CAPN5: variants seen among roughly 807,000 people sequenced by gnomAD.
CAPN5 encodes calpain 5.
In CAPN5, 54 loss-of-function variants were observed where a neutral mutation model predicts 73.0. The ratio of observed to expected loss-of-function variants is 0.74; its 90% CI spans 0.59 to 0.93. The LOEUF is 0.93. CAPN5 is among the 40% of genes least tolerant of loss of function. The pLI is 0.00. For synonymous variants in CAPN5, 335 were observed against 356.9 expected, an observed-to-expected ratio of 0.94 and a Z score of 0.69; for missense variants, 785 against 882.9, an observed-to-expected ratio of 0.89 and a Z score of 1.41.
intron 3 of CAPN5, among the ~76,000 whole-genome samples, chr11:77,097,255 T>G (rs1290220923): frequency 6.6e-6 from 1 of 152,018 alleles, no homozygotes; most frequent in Non-Finnish European, 1.5e-5. Flanking sequence ...TCCCACTATG[T>G]CCCTGACCGG....
intron 1 of CAPN5, among the ~76,000 whole-genome samples, chr11:77,079,783 T>TTG (rs147108363): frequency 0.38 from 56,628 of 148,046 alleles, 11,162 homozygotes; most frequent in Non-Finnish European, 0.45. Flanking sequence ...CTACTTGAGA[T>TTG]TGTGTGTGTG....
At chr11:77,120,995 C>T (rs1022580048) in intron 10 of CAPN5, 86 bp downstream of exon 10, 4 of 1,302,654 alleles carry the variant, frequency 3.1e-6, no homozygotes, top group Non-Finnish European at 4.3e-6. Context: ...CAGAGATGCT[C>T]AGTGTCTCTG....
chr11:77,113,222 C>G (rs1239657162), intron 4 of CAPN5, among the ~76,000 whole-genome samples: 1 of 152,252 alleles, frequency 6.6e-6, no homozygotes, highest in African/African-American at 2.4e-5. Flanking sequence ...TGCTGGGCCT[C>G]CCTCTTGTCC....
rs1950454295 is a variant in CAPN5 at position 77,115,273 on chromosome 11, A to AT, written c.700-121dup. On this transcript the variant is annotated intron_variant, in intron 5 of 12. Transcript: ENST00000648180. Reference sequence around the variant, plus strand: ...AGCTCTGTGAACACAGCACTGCCCCATGACTGCAATTCCCATCCCATCCTG... The same window carrying AT: ...AGCTCTGTGAACACAGCACTGCCCCATTGACTGCAATTCCCATCCCATCCTG... 37 of 726,806 alleles carry AT rather than the reference A, an allele frequency of 5.1e-5. 1 individual carries two copies. In the South Asian group the frequency reaches 6.7e-4, roughly 13 times the overall value. The allele number at this position is 726,806 out of a possible 1,614,324, so 45.0% of individuals were successfully genotyped here. A position where few individuals can be genotyped will look rare whatever the true frequency, so the allele number is the denominator to read the frequency against.
intron 2 of CAPN5, among the ~76,000 whole-genome samples, chr11:77,088,558 G>A (rs1950116205): frequency 6.6e-6 from 1 of 152,168 alleles, no homozygotes; most frequent in Non-Finnish European, 1.5e-5. Context: ...GGGATGGGCT[G>A]TAGGCTACAA....
chr11:77,122,805 A>G, intron 12 of CAPN5, 93 bp downstream of exon 12: 1 of 1,525,856 alleles, frequency 6.6e-7, no homozygotes, highest in South Asian at 1.2e-5. Flanking sequence ...CCCTCTGACG[A>G]GGACCCAGGC....
intron 5 of CAPN5, 94 bp downstream of exon 5, chr11:77,114,528 T>C: frequency 8.7e-7 from 1 of 1,155,394 alleles, no homozygotes. Context: ...TCAGGTCAGC[T>C]CCTACGTATT....
intron 3 of CAPN5, among the ~76,000 whole-genome samples, chr11:77,109,322 G>T (rs1326946966): frequency 1.3e-5 from 2 of 151,770 alleles, no homozygotes; most frequent in African/African-American, 4.8e-5. Context: ...CTACTATTTG[G>T]TTACCATCTG....
At chr11:77,106,728 A>G (rs886472809) in intron 3 of CAPN5, among the ~76,000 whole-genome samples, 7 of 152,178 alleles carry the variant, frequency 4.6e-5, no homozygotes, top group Admixed American at 1.3e-4. Flanking sequence ...ATCACCATAG[A>G]CACACGGTCT....
chr11:77,098,171 C>T lies in CAPN5; in HGVS notation c.297+4358C>T, dbSNP rs1159227351. On this transcript the variant is annotated intron_variant, in intron 3 of 12. Transcript: ENST00000648180. ...GGGGCTCCTCACTTCCCAGTAGGGGCGGCCGGGCAGAGGCGTCCCTCACCT... is the reference window on the plus strand; with the variant it reads ...GGGGCTCCTCACTTCCCAGTAGGGGTGGCCGGGCAGAGGCGTCCCTCACCT... 1.2e-4 allele frequency among the ~76,000 whole-genome samples: 8 copies of T among 67,116 alleles called. 1 individual carries two copies. Among genetic ancestry groups the T allele is most frequent in the South Asian group, 7.6e-4 (1 of 1,318 alleles). 44.0% of individuals were successfully genotyped at this position (67,116 alleles called of 152,430 possible). A position where few individuals can be genotyped will look rare whatever the true frequency, so the allele number is the denominator to read the frequency against.
chr11:77,117,706 A>C (rs1017316238), intron 7 of CAPN5, among the ~76,000 whole-genome samples: 1 of 152,188 alleles, frequency 6.6e-6, no homozygotes, highest in Non-Finnish European at 1.5e-5. Context: ...CAGGCTCACC[A>C]TGGGGTTCCC....
chr11:77,072,020 C>T (rs1346455443), intron 1 of CAPN5, among the ~76,000 whole-genome samples: 1 of 152,220 alleles, frequency 6.6e-6, no homozygotes, highest in South Asian at 2.1e-4. Context: ...CTGCCTATAG[C>T]CTGGCCTCCC....
chr11:77,084,895 G>C lies in CAPN5; in HGVS notation c.9G>C (p.Ser3=). The part of the protein sequence containing the change: MF[S]CVKPYEDQNY... Reference sequence around the variant, plus strand: ...CTGGGGCAGCAGCCACCATGTTCTCGTGTGTGAAGCCCTATGAGGACCAGA... The same window carrying C: ...CTGGGGCAGCAGCCACCATGTTCTCCTGTGTGAAGCCCTATGAGGACCAGA... The change falls in exon 2 of 13, where the codon TCG becomes TCC. Residue 3 remains serine (S), a synonymous_variant. Transcript: ENST00000648180. 1.9e-6 allele frequency: 3 copies of C among 1,614,074 alleles called. No individual in the cohort carries two copies. Among genetic ancestry groups the C allele is most frequent in the Non-Finnish European group, 2.5e-6 (3 of 1,180,028 alleles).
At chr11:77,092,481 A>C (rs1271511877) in intron 2 of CAPN5, among the ~76,000 whole-genome samples, 1 of 152,202 alleles carries the variant, frequency 6.6e-6, no homozygotes, top group East Asian at 1.9e-4. Context: ...TCAGGTGCAG[A>C]GGGCACCTGG....
chr11:77,118,396 G>A lies in CAPN5; in HGVS notation c.1167+44G>A, dbSNP rs782277519. ...CCCCACCCTGCCCTGTAGCAGCTGC[G>A]GGGTGCCTTGCCACTGTCCTGCCAG... On this transcript the variant is annotated intron_variant, in intron 8 of 12. Transcript: ENST00000648180. 68 of 1,490,308 alleles carry A rather than the reference G, an allele frequency of 4.6e-5. No homozygotes were observed. The East Asian group carries it at 5.9e-4, about 13-fold the overall frequency. 92.3% of individuals were successfully genotyped at this position (1,490,308 alleles called of 1,614,324 possible).
chr11:77,121,813 A>G, intron 10 of CAPN5, 121 bp from the exon 11 acceptor site: 1 of 593,700 alleles, frequency 1.7e-6, no homozygotes, highest in Middle Eastern at 2.6e-4. Flanking sequence ...TCAGGACTAA[A>G]TGAAATCAAG....
intron 12 of CAPN5, 35 bp from the exon 13 acceptor site, chr11:77,123,653 G>C (rs782566105): frequency 7.7e-6 from 12 of 1,564,848 alleles, no homozygotes; most frequent in Non-Finnish European, 1.1e-5. Flanking sequence ...CTTGGAGGTA[G>C]CCCGCCCCTC....
At chr11:77,100,694 C>A (rs1260931158) in intron 3 of CAPN5, among the ~76,000 whole-genome samples, 1 of 152,222 alleles carries the variant, frequency 6.6e-6, no homozygotes, top group Non-Finnish European at 1.5e-5. Context: ...GTTGCTGTCT[C>A]CACCAGCCAG....
chr11:77,112,804 G>T lies in CAPN5; in HGVS notation c.506+7G>T. 6.2e-7 allele frequency: 1 copy of T among 1,613,862 alleles called. No individual in the cohort carries two copies. The highest frequency in any genetic ancestry group is 8.5e-7 in the Non-Finnish European group (1 of 1,179,844). On this transcript the variant is annotated splice_region_variant and intron_variant, in intron 4 of 12. Coordinates refer to ENST00000648180, the MANE Select transcript of CAPN5 (RefSeq NM_004055.5). ...TGGAGAAGGCCTATGCCAAGTAGGT[G>T]CCAGCAGCAGGCAGGTGGGTGGGAG...
Sources: gnomAD v4.1 joint callset for allele counts (sites outside exome capture counted in the v4.1 genomes callset) on GRCh38, gnomAD v4.1.1 for gene constraint, MANE v1.5 for transcripts, NCBI Gene and HGNC (gene_info 2026-07-23, HGNC 2026-07-21) for gene names.